Variants in UBAC2 observed in about 807,000 individuals in gnomAD.
UBAC2 encodes ubiquitin-associated domain-containing protein 2.
UBAC2 carries 26 observed loss-of-function variants against 44.0 expected under a neutral mutation model. That is an observed-to-expected ratio of 0.59 (90% CI 0.43 to 0.82). The LOEUF is 0.82. UBAC2 is among the 40% of genes least tolerant of loss of function. The pLI, the probability that UBAC2 is intolerant of heterozygous loss-of-function variation, is 0.00. For synonymous variants in UBAC2, 155 were observed against 154.3 expected (o/e 1.00, Z -0.04); for missense variants, 329 against 419.4 (o/e 0.78, Z 1.88).
At chr13:99,248,558 A>G (rs2043418273) in intron 4 of UBAC2, among the ~76,000 whole-genome samples, 1 of 151,620 alleles carries the variant, frequency 6.6e-6, no homozygotes, top group Non-Finnish European at 1.5e-5. Flanking sequence ...TTTTTTTTGT[A>G]TTTTTAATAG....
intron 4 of UBAC2, among the ~76,000 whole-genome samples, chr13:99,290,564 A>C (rs1436259359): frequency 2.0e-5 from 3 of 152,020 alleles, no homozygotes; most frequent in Non-Finnish European, 4.4e-5. Flanking sequence ...ATCTCCACTA[A>C]AAATACAAAA....
At chr13:99,338,514 A>G (rs2044835869) in intron 6 of UBAC2, among the ~76,000 whole-genome samples, 1 of 152,200 alleles carries the variant, frequency 6.6e-6, no homozygotes, top group Non-Finnish European at 1.5e-5. Flanking sequence ...TTGGACTTAT[A>G]TGCTGCTTAT....
intron 4 of UBAC2, among the ~76,000 whole-genome samples, chr13:99,285,853 G>A (rs2044012384): frequency 6.6e-6 from 1 of 152,140 alleles, no homozygotes; most frequent in African/African-American, 2.4e-5. Flanking sequence ...TTCAGTATGA[G>A]CCAAGGCATA....
chr13:99,254,779 A>G, intron 4 of UBAC2: 1 of 853,906 alleles, frequency 1.2e-6, no homozygotes, highest in African/African-American at 1.7e-5. Flanking sequence ...TTTTTTCAAG[A>G]GAAAAGGGAC....
At chr13:99,315,437 C>T (rs958224984) in intron 5 of UBAC2, among the ~76,000 whole-genome samples, 1 of 152,204 alleles carries the variant, frequency 6.6e-6, no homozygotes, top group African/African-American at 2.4e-5. Context: ...GCCTCACATT[C>T]ACTGTATAGT....
intron 6 of UBAC2, among the ~76,000 whole-genome samples, chr13:99,332,517 G>T (rs1260026543): frequency 6.6e-6 from 1 of 152,048 alleles, no homozygotes; most frequent in Non-Finnish European, 1.5e-5. Context: ...GCATATGGGG[G>T]GCTGCTCCCT....
intron 7 of UBAC2, among the ~76,000 whole-genome samples, chr13:99,345,259 T>C (rs1050880083): frequency 5.3e-5 from 8 of 152,206 alleles, no homozygotes; most frequent in African/African-American, 1.7e-4. Context: ...AGCCTGACAA[T>C]AGATTTCGGC....
chr13:99,371,042 G>A (rs779332805), intron 8 of UBAC2, among the ~76,000 whole-genome samples: 9 of 152,072 alleles, frequency 5.9e-5, no homozygotes, highest in Admixed American at 2.0e-4. Context: ...TGGGGCAGCC[G>A]TTAAGACGAG....
intron 4 of UBAC2, among the ~76,000 whole-genome samples, chr13:99,280,084 CT>C (rs1447587147): frequency 6.6e-6 from 1 of 152,188 alleles, no homozygotes; most frequent in African/African-American, 2.4e-5. Context: ...CCTAACTGTT[CT>C]CCCTGTCACC....
Position 99,243,877 on chromosome 13 carries a change from G to T in UBAC2, c.205G>T (p.Asp69Tyr). Residue 69 changes from aspartate (D) to tyrosine (Y), a missense_variant, in exon 3 of 9, where the codon GAT (aspartate) becomes TAT (tyrosine). Physicochemically the swap from Asp to Tyr is radical, Grantham distance 160. Coordinates refer to ENST00000403766, the MANE Select transcript of UBAC2 (RefSeq NM_001144072.2). ...AAGAATAATTTGCCTTGATTTGAAAGATACTTTCTGCAGTAGTCTGCTTAT... is the reference window on the plus strand; with the variant it reads ...AAGAATAATTTGCCTTGATTTGAAATATACTTTCTGCAGTAGTCTGCTTAT... ...CGRIICLDLK[D>Y]TFCSSLLIYN... The T allele has an allele frequency of 6.3e-7, 1 of 1,575,266 alleles. No homozygotes were observed.
chr13:99,350,595 GC>G (rs1230960814), intron 7 of UBAC2, among the ~76,000 whole-genome samples: 2 of 152,264 alleles, frequency 1.3e-5, no homozygotes, highest in African/African-American at 4.8e-5. Flanking sequence ...CATGCCCCAT[GC>G]CTTGCCCTGT....
At chr13:99,368,016 G>A in intron 8 of UBAC2, 110 bp downstream of exon 8, 1 of 1,333,352 alleles carries the variant, frequency 7.5e-7, no homozygotes, top group Admixed American at 2.3e-5. Flanking sequence ...CAAAGATGGT[G>A]ACAGCAGTCC....
intron 4 of UBAC2, among the ~76,000 whole-genome samples, chr13:99,311,022 G>A (rs1358791820): frequency 2.6e-5 from 4 of 152,070 alleles, no homozygotes; most frequent in African/African-American, 9.7e-5. Context: ...AAAAGGAAGG[G>A]GGCTTTTTAA....
At chr13:99,355,633 T>C (rs191381269) in intron 7 of UBAC2, among the ~76,000 whole-genome samples, 57 of 152,348 alleles carry the variant, frequency 3.7e-4, no homozygotes, top group Admixed American at 1.7e-3. Context: ...CAGGAAAAGG[T>C]TGGGACACCT....
chr13:99,340,923 A>G (rs1410432525), intron 7 of UBAC2, among the ~76,000 whole-genome samples: 1 of 152,210 alleles, frequency 6.6e-6, no homozygotes, highest in African/African-American at 2.4e-5. Context: ...ATCATATGCT[A>G]TGGAGTGAAG....
Position 99,304,726 on chromosome 13 carries a change from G to C in UBAC2, c.390-9371G>C, listed in dbSNP as rs2044306705. Among the ~76,000 whole-genome samples the C allele has an allele frequency of 1.3e-5, 2 of 151,936 alleles. 1 individual carries two copies. Among genetic ancestry groups the C allele is most frequent in the Admixed American group, 1.3e-4 (2 of 15,272 alleles). ...AACTTTCACAAGTCCATTGACAGAA[G>C]GTGAAACGGAGGCACCAGGGCACTT... On this transcript the variant is annotated intron_variant, in intron 4 of 8. Transcript: ENST00000403766.
At chr13:99,328,562 T>C (rs1195224903) in intron 6 of UBAC2, among the ~76,000 whole-genome samples, 2 of 152,240 alleles carry the variant, frequency 1.3e-5, no homozygotes, top group Non-Finnish European at 2.9e-5. Flanking sequence ...TGGTATCTTG[T>C]GGTTTTAATT....
chr13:99,207,192 G>T lies in UBAC2; in HGVS notation c.31+6253G>T, dbSNP rs192299937. Among the ~76,000 whole-genome samples the T allele has an allele frequency of 1.2e-4, 19 of 152,308 alleles. No individual in the cohort carries two copies. The East Asian group carries it at 3.7e-3, about 29-fold the overall frequency. ...GACCTGGGGGTTGCATCCTTATTTG[G>T]TGAGAGGGCAGAGTATAGAGGTGTA... On this transcript the variant is annotated intron_variant, in intron 1 of 8. Coordinates refer to ENST00000403766, the MANE Select transcript of UBAC2 (RefSeq NM_001144072.2).
At chr13:99,206,713 G>T (rs1309795320) in intron 1 of UBAC2, among the ~76,000 whole-genome samples, 1 of 152,190 alleles carries the variant, frequency 6.6e-6, no homozygotes, top group Admixed American at 6.5e-5. Context: ...CCGTTTCTCA[G>T]CTAAGTTTCT....
Sources: allele counts gnomAD v4.1 joint callset (sites outside exome capture counted in the v4.1 genomes callset), GRCh38; gene constraint gnomAD v4.1.1; transcripts MANE v1.5; gene names NCBI Gene and HGNC (gene_info 2026-07-23, HGNC 2026-07-21).